The following DGKB variants were observed in gnomAD, a reference collection of about 807,000 sequenced individuals.
DGKB encodes the protein 90 kDa diacylglycerol kinase.
Under a neutral mutation model 114.3 loss-of-function variants are expected in DGKB, and 67 were observed. That is an observed-to-expected ratio of 0.59 (90% CI 0.48 to 0.72). The LOEUF is 0.72. Ranked by LOEUF, DGKB falls within the 30% of genes least tolerant of loss-of-function variation. The pLI, the probability that DGKB is intolerant of heterozygous loss-of-function variation, is 0.00. For synonymous variants in DGKB, 398 were observed against 323.1 expected (o/e 1.23, Z -2.49); for missense variants, 907 against 975.2 (o/e 0.93, Z 0.93).
intron 1 of DGKB, among the ~76,000 whole-genome samples, chr7:14,966,256 C>CCAGTCTTA: frequency 6.6e-6 from 1 of 151,968 alleles, no homozygotes; most frequent in African/African-American, 2.4e-5. Flanking sequence ...ACTGATGAAC[C>CCAGTCTTA]CAGTCTTAAG....
At chr7:14,278,552 TG>T (rs774713300) in intron 23 of DGKB, among the ~76,000 whole-genome samples, 11 of 152,048 alleles carry the variant, frequency 7.2e-5, no homozygotes, top group Non-Finnish European at 1.5e-4. Context: ...GAATAAAACA[TG>T]GGGAAAATGT....
chr7:14,806,940 T>G (rs910092856), intron 2 of DGKB, among the ~76,000 whole-genome samples: 1 of 151,846 alleles, frequency 6.6e-6, no homozygotes, highest in Admixed American at 6.6e-5. Context: ...CCCTGAAAAA[T>G]TAAAAACATG....
intron 1 of DGKB, among the ~76,000 whole-genome samples, chr7:14,917,079 CTAAA>C (rs1435257386): frequency 6.6e-6 from 1 of 151,892 alleles, no homozygotes; most frequent in African/African-American, 2.4e-5. Context: ...ATATTTTAAA[CTAAA>C]TGACTAAGAA....
chr7:14,272,548 C>T (rs1472077103), intron 23 of DGKB, among the ~76,000 whole-genome samples: 1 of 152,180 alleles, frequency 6.6e-6, no homozygotes, highest in Non-Finnish European at 1.5e-5. Context: ...CACATAATGA[C>T]TTCAAGATTC....
At chr7:14,959,146 G>C (rs1234300696) in intron 1 of DGKB, among the ~76,000 whole-genome samples, 1 of 150,884 alleles carries the variant, frequency 6.6e-6, no homozygotes, top group African/African-American at 2.4e-5. Context: ...TAGGAATATT[G>C]AATATTTTAC....
chr7:14,459,873 A>G (rs1584106821), intron 21 of DGKB, among the ~76,000 whole-genome samples: 1 of 152,150 alleles, frequency 6.6e-6, no homozygotes, highest in African/African-American at 2.4e-5. Context: ...CACAAAGGGA[A>G]CCCTATCAGA....
At chr7:14,601,775 G>A (rs1803587295) in intron 17 of DGKB, among the ~76,000 whole-genome samples, 1 of 152,154 alleles carries the variant, frequency 6.6e-6, no homozygotes, top group African/African-American at 2.4e-5. Context: ...AACAAGGATT[G>A]CCTTTCCTCT....
At chr7:14,830,928 C>T (rs1027821915) in intron 2 of DGKB, among the ~76,000 whole-genome samples, 2 of 151,882 alleles carry the variant, frequency 1.3e-5, no homozygotes, top group African/African-American at 4.8e-5. Flanking sequence ...CATGTGTGTG[C>T]ATGTGTGCAT....
At chr7:14,658,089 T>C (rs549556607) in intron 13 of DGKB, among the ~76,000 whole-genome samples, 1 of 152,070 alleles carries the variant, frequency 6.6e-6, no homozygotes, top group Admixed American at 6.6e-5. Context: ...CTTAAAATTG[T>C]GGAAGAGCAA....
chr7:14,279,464 G>A (rs1336246411), intron 23 of DGKB, among the ~76,000 whole-genome samples: 6 of 152,314 alleles, frequency 3.9e-5, no homozygotes, highest in Middle Eastern at 3.4e-3. Context: ...AGTAACCTCT[G>A]CAGACTTAAA....
At chr7:14,867,143 G>GCAAA (rs1458430196) in intron 1 of DGKB, among the ~76,000 whole-genome samples, 1 of 152,128 alleles carries the variant, frequency 6.6e-6, no homozygotes, top group Non-Finnish European at 1.5e-5. Flanking sequence ...TATGAGATGT[G>GCAAA]TGTTTTGCAA....
At chr7:14,226,563 A>G (rs1458130435) in intron 23 of DGKB, among the ~76,000 whole-genome samples, 1 of 151,982 alleles carries the variant, frequency 6.6e-6, no homozygotes. Flanking sequence ...TTTAAATTTT[A>G]ACATCATGAC....
At chr7:14,430,333 T>G (rs1364264612) in intron 21 of DGKB, among the ~76,000 whole-genome samples, 1 of 152,214 alleles carries the variant, frequency 6.6e-6, no homozygotes, top group Non-Finnish European at 1.5e-5. Context: ...GAGATCCATG[T>G]GACTTATATC....
At chr7:14,462,847 C>G (rs967586062) in intron 21 of DGKB, among the ~76,000 whole-genome samples, 2 of 152,152 alleles carry the variant, frequency 1.3e-5, no homozygotes, top group African/African-American at 4.8e-5. Context: ...AACTATATGA[C>G]AAGGCTACAG....
At chr7:14,639,853 A>T (rs2128871300) in intron 13 of DGKB, among the ~76,000 whole-genome samples, 1 of 152,322 alleles carries the variant, frequency 6.6e-6, no homozygotes, top group Admixed American at 6.5e-5. Flanking sequence ...GAACCCACCT[A>T]AAAGAGTGCA....
At chr7:14,805,815 A>ATCCCGCCACTGCACTCCAGCCTGGG (rs1562583503) in intron 2 of DGKB, among the ~76,000 whole-genome samples, 1 of 151,570 alleles carries the variant, frequency 6.6e-6, no homozygotes, top group Admixed American at 6.6e-5. Flanking sequence ...CCAAGCCAAA[A>ATCCCGCCACTGCACTCCAGCCTGGG]CTTCCATATA....
intron 1 of DGKB, among the ~76,000 whole-genome samples, chr7:14,894,248 C>A (rs1474244137): frequency 1.3e-5 from 2 of 151,342 alleles, no homozygotes; most frequent in Non-Finnish European, 3.0e-5. Context: ...TTTCTCTTTT[C>A]CTCTTTTAAC....
intron 16 of DGKB, 51 bp downstream of exon 16, chr7:14,613,289 A>G (rs1285098022): frequency 5.3e-6 from 6 of 1,127,442 alleles, no homozygotes; most frequent in Non-Finnish European, 7.7e-6. Flanking sequence ...AGTTTTGTCT[A>G]TTTTTTTACA....
At chr7:14,167,724 C>A (rs938032751) in intron 25 of DGKB, among the ~76,000 whole-genome samples, 1 of 152,142 alleles carries the variant, frequency 6.6e-6, no homozygotes, top group African/African-American at 2.4e-5. Context: ...ATTGCAAACA[C>A]TTTGAAAACC....
Sources: gnomAD v4.1 joint callset for allele counts (sites outside exome capture counted in the v4.1 genomes callset) on GRCh38, gnomAD v4.1.1 for gene constraint, MANE v1.5 for transcripts, NCBI Gene and HGNC (gene_info 2026-07-23, HGNC 2026-07-21) for gene names.